The following NOL6 variants were observed in gnomAD, a reference collection of about 807,000 sequenced individuals.
The protein encoded by NOL6 is nucleolar protein 6, also known as nucleolar RNA-associated protein.
In NOL6, 33 loss-of-function variants were observed where a neutral mutation model predicts 131.7. The ratio of observed to expected loss-of-function variants is 0.25; its 90% confidence interval spans 0.19 to 0.33. The LOEUF (loss-of-function observed/expected upper bound fraction) is 0.33. Ranked by LOEUF, NOL6 falls within the 10% of genes least tolerant of loss-of-function variation. The pLI is 1.00. For synonymous variants in NOL6, 580 were observed against 605.7 expected, an observed-to-expected ratio of 0.96 and a Z score of 0.62; for missense variants, 1,297 against 1,494.5, an observed-to-expected ratio of 0.87 and a Z score of 2.18.
rs1450973604 is a variant in NOL6, at chr9:33,461,709, C to G, written c.*955G>C. ...CAGAGGAGGGAAAGATCACCTCAGG[C>G]TGGGGGCGAGGGATGGGCTTAAGGA... On this transcript the variant is annotated 3_prime_UTR_variant, in exon 26 of 26. Coordinates refer to ENST00000297990, the MANE Select transcript of NOL6 (RefSeq NM_022917.5). 6.2e-6 allele frequency: 1 copy of G among 161,650 alleles called. No homozygotes were observed. The highest frequency in any genetic ancestry group is 1.4e-5 in the Non-Finnish European group (1 of 73,508). 10.0% of individuals were successfully genotyped at this position (161,650 alleles called of 1,614,324 possible).
At chr9:33,465,606 GC>G in intron 19 of NOL6, 127 bp downstream of exon 19, 1 of 1,146,058 alleles carries the variant, frequency 8.7e-7, no homozygotes. Context: ...TCCAGAACCT[GC>G]CTGACTCCAG....
rs753343894 is a variant in NOL6, at chr9:33,467,275, G to A, written c.1726-13C>T. ...GGAATTTAGCAGCCTGAGGAGGCAA[G>A]GGTGGTAGTAGAGCTGGGGAAGGAA... is the stretch of plus-strand genomic sequence containing the variant. On this transcript the variant is annotated splice_polypyrimidine_tract_variant and intron_variant, in intron 13 of 25. Transcript: ENST00000297990. The surrounding 1 kb of genome is among the most constrained non-coding windows in gnomAD (Gnocchi z 4.4). 3 of 1,613,726 alleles carry A rather than the reference G, an allele frequency of 1.9e-6. No individual in the cohort carries two copies. Among genetic ancestry groups the A allele is most frequent in the Non-Finnish European group, 2.5e-6 (3 of 1,179,782 alleles).
chr9:33,468,630 C>A, intron 8 of NOL6, 64 bp from the exon 9 acceptor site: 1 of 1,607,252 alleles, frequency 6.2e-7, no homozygotes, highest in Non-Finnish European at 8.5e-7. Context: ...TAATGACACC[C>A]TCCCTCAGCC....
At position 33,467,721 on chromosome 9, in the gene NOL6, C is replaced by G. The variant is rs1827285820; in HGVS notation, c.1572G>C (p.Leu524=). 3 of 1,579,252 alleles carry G rather than the reference C, an allele frequency of 1.9e-6. No homozygotes were observed. The highest frequency in any genetic ancestry group is 3.7e-5 in the Admixed American group (2 of 54,010). ...GGACTGGGGGTCGAGAGTGAGCCAG[C>G]AGGTTCAGCCGAGCCCCCAGGCCCT... ...LEQGLGARLN[L]LAHSRPPVPE... Residue 524 remains leucine, a synonymous_variant, in exon 12 of 26, where the codon CTG becomes CTC. Coordinates refer to ENST00000297990, the MANE Select transcript of NOL6 (RefSeq NM_022917.5). The surrounding 1 kb of genome is among the most constrained non-coding windows in gnomAD (Gnocchi z 4.4).
chr9:33,468,143 T>G lies in NOL6; in HGVS notation c.1311A>C (p.Val437=), dbSNP rs1199484960. Residue 437 remains valine (V), a splice_region_variant and synonymous_variant, in exon 11 of 26, where the codon GTA becomes GTC. Coordinates refer to ENST00000297990, the MANE Select transcript of NOL6 (RefSeq NM_022917.5). ...ADVTASTYHQ[V]QHEARLSMML... The stretch of plus-strand genomic sequence containing the variant: ...TCATAGACAGCCGTGCCTCATGCTG[T>G]ACCTGGAGCCACAGAAGGGACCATC... 1.2e-6 allele frequency: 2 copies of G among 1,614,216 alleles called. No individual in the cohort carries two copies. The highest frequency in any genetic ancestry group is 3.3e-5 in the Admixed American group (2 of 60,030).
chr9:33,469,107 G>T lies in NOL6; in HGVS notation c.877C>A (p.Pro293Thr). The change falls in exon 7 of 26, where the codon CCT becomes ACT. Residue 293 changes from proline to threonine, a missense_variant. Transcript: ENST00000297990. ...ACCCATGTGTTATAGCGGGGGGTAG[G>T]AGGCTCTGGGCTACCTGTGGGATGA... ...SPAGDGSPEP[P>T]TPRYNTWVLQ... 1 of 1,614,182 alleles carries T rather than the reference G, an allele frequency of 6.2e-7. No homozygotes were observed. The highest frequency in any genetic ancestry group is 8.5e-7 in the Non-Finnish European group (1 of 1,180,044).
In NOL6 at chr9:33,462,272, G is replaced by T; in HGVS notation, c.*392C>A. 1 of 715,030 alleles carries T rather than the reference G, an allele frequency of 1.4e-6. No homozygotes were observed. The highest frequency in any genetic ancestry group is 1.5e-5 in the South Asian group (1 of 67,452). The allele number at this position is 715,030 out of a possible 1,614,324, so 44.3% of individuals were successfully genotyped here. A position where few individuals can be genotyped will look rare whatever the true frequency, so the allele number is the denominator to read the frequency against. On this transcript the variant is annotated 3_prime_UTR_variant, in exon 26 of 26. Coordinates refer to ENST00000297990, the MANE Select transcript of NOL6 (RefSeq NM_022917.5). ...AGTCTAGGCACAGGTCCTGGCAGCA[G>T]GAAGGAGACAGAGCCTCTCCCAGGC...
rs775236385 is a variant in NOL6 at position 33,464,939 on chromosome 9, C to T, written c.2719G>A (p.Val907Ile). The T allele has an allele frequency of 4.3e-6, 7 of 1,613,922 alleles. No individual in the cohort carries two copies. The highest frequency in any genetic ancestry group is 5.9e-6 in the Non-Finnish European group (7 of 1,179,976). The change falls in exon 21 of 26, where the codon GTA becomes ATA. Residue 907 changes from valine (V) to isoleucine (I), a missense_variant. Coordinates refer to ENST00000297990, the MANE Select transcript of NOL6 (RefSeq NM_022917.5). ...QVGFLRFLFL[V>I]STFDWKNNPL... ...TTGTTCTTCCAATCAAACGTTGATA[C>T]CAAGAAAAGGAATCGAAGGAAGCCA... is the stretch of plus-strand genomic sequence containing the variant.
chr9:33,465,163 C>A, intron 20 of NOL6, 44 bp downstream of exon 20: 1 of 1,560,428 alleles, frequency 6.4e-7, no homozygotes, highest in Admixed American at 1.9e-5. Context: ...TGATGGCTGG[C>A]CGCAAGGAAA....
rs2119024259 is a variant in NOL6, at chr9:33,468,777, G to A, written c.1122C>T (p.Val374=). 6.2e-7 allele frequency: 1 copy of A among 1,614,160 alleles called. No individual in the cohort carries two copies. Among genetic ancestry groups the A allele is most frequent in the Admixed American group, 1.7e-5 (1 of 60,030 alleles). The change falls in exon 8 of 26, where the codon GTC becomes GTT. Residue 374 remains valine (V), a synonymous_variant. Transcript: ENST00000297990. ...KIHTTMSGYQ[V]LRSVLQFLAT... is the part of the protein sequence containing the mutation. ...CCAGAAACTGCAAGACACTTCTCAG[G>A]ACCTGGTAGCCACTCATGGTGGTAT...
chr9:33,468,193 G>A (rs755374658), intron 10 of NOL6, 48 bp from the exon 11 acceptor site: 1 of 1,613,782 alleles, frequency 6.2e-7, no homozygotes, highest in East Asian at 2.2e-5. Context: ...TGATCCAAGG[G>A]CTTAGACCAG....
In NOL6 at chr9:33,468,713, G is replaced by C. The variant is rs750621916; in HGVS notation, c.1147+39C>G. 4 of 1,613,324 alleles carry C rather than the reference G, an allele frequency of 2.5e-6. No homozygotes were observed. The Admixed American group carries it at 5.0e-5, about 20-fold the overall frequency. On this transcript the variant is annotated intron_variant, in intron 8 of 25. Coordinates refer to ENST00000297990, the MANE Select transcript of NOL6 (RefSeq NM_022917.5). ...ACTGGGATGAGAGGATTCCCAGGAGGAGTGGAGCCCCTGGCCTTTCCCCAC... is the reference window on the plus strand; with the variant it reads ...ACTGGGATGAGAGGATTCCCAGGAGCAGTGGAGCCCCTGGCCTTTCCCCAC...
rs1276555281 is a variant in NOL6 at position 33,463,460 on chromosome 9, AGG to A, written c.2995-21_2995-20del. ...ACACTGTCTAAGGAAGGGGAGAAGG[AGG>A]GGTCAGCAGGACCCCCTTGACTGAG... On this transcript the variant is annotated intron_variant, in intron 23 of 25. Transcript: ENST00000297990. 1 of 1,573,754 alleles carries A rather than the reference AGG, an allele frequency of 6.4e-7. No individual in the cohort carries two copies. Among genetic ancestry groups the A allele is most frequent in the Non-Finnish European group, 8.7e-7 (1 of 1,151,110 alleles).
intron 1 of NOL6, chr9:33,472,727 G>A (rs1827447775): frequency 2.5e-6 from 1 of 407,084 alleles, no homozygotes; most frequent in East Asian, 5.4e-5. Context: ...AATCCCAGCA[G>A]TTTGGGAGGT....
In NOL6 at chr9:33,464,079, G is replaced by T; in HGVS notation, c.2862C>A (p.Asp954Glu). 1.9e-6 allele frequency: 3 copies of T among 1,613,784 alleles called. No homozygotes were observed. The highest frequency in any genetic ancestry group is 2.5e-6 in the Non-Finnish European group (3 of 1,179,844). ...LPVMVIVTPQDRKNSVWTQDG... is the reference protein window; with the variant it reads ...LPVMVIVTPQERKNSVWTQDG... ...CCTGTGTCCACACAGAGTTTTTGCG[G>T]TCTTGGGGGGTAACAATGACCATGA... The change falls in exon 22 of 26, where the codon GAC becomes GAA. Residue 954 changes from aspartate to glutamate, a missense_variant. By Grantham distance (45) the Asp-to-Glu change is conservative. Coordinates refer to ENST00000297990, the MANE Select transcript of NOL6 (RefSeq NM_022917.5).
chr9:33,465,162 G>C, intron 20 of NOL6, 45 bp downstream of exon 20: 1 of 1,559,934 alleles, frequency 6.4e-7, no homozygotes, highest in South Asian at 1.2e-5. Context: ...ATGATGGCTG[G>C]CCGCAAGGAA....
chr9:33,473,920 T>C lies in NOL6; in HGVS notation c.-78A>G, dbSNP rs146480337. On this transcript the variant is annotated 5_prime_UTR_variant, in exon 1 of 26. Transcript: ENST00000297990. ...TCATAGCTTCCCACGTGGGCGGAAATGCCTAACTCCAGGCCCAAGTCCAGC... is the reference window on the plus strand; with the variant it reads ...TCATAGCTTCCCACGTGGGCGGAAACGCCTAACTCCAGGCCCAAGTCCAGC... The C allele has an allele frequency of 2.0e-3, 3,142 of 1,543,772 alleles. 101 individuals are homozygous for C. The Admixed American group carries it at 0.052, about 25-fold the overall frequency.
rs1827351794 is a variant in NOL6, at chr9:33,469,587, G to A, written c.639C>T (p.His213=). ...TGCCAAAGAGGGGGTCCTGGGCCAG[G>A]TGGTGAGCCAAGTGGGCCAGGTAGA... The part of the protein sequence containing the change: ...RALYLAHLAH[H]LAQDPLFGSV... Residue 213 remains histidine (H), a synonymous_variant, in exon 5 of 26, where the codon CAC becomes CAT. Transcript: ENST00000297990. 1 of 1,610,926 alleles carries A rather than the reference G, an allele frequency of 6.2e-7. No homozygotes were observed. The highest frequency in any genetic ancestry group is 8.5e-7 in the Non-Finnish European group (1 of 1,179,178).
Position 33,468,493 on chromosome 9 carries a change from C to T in NOL6, c.1206+15G>A, listed in dbSNP as rs1400045038. Reference sequence around the variant, plus strand: ...GCAGGCCTCCTGGCATAGACCTGGCCCTTCCCCAACTCACCAAAGAGGGAT... The same window carrying T: ...GCAGGCCTCCTGGCATAGACCTGGCTCTTCCCCAACTCACCAAAGAGGGAT... On this transcript the variant is annotated intron_variant, in intron 9 of 25. Transcript: ENST00000297990. The T allele has an allele frequency of 6.2e-7, 1 of 1,614,088 alleles. No homozygotes were observed. The highest frequency in any genetic ancestry group is 2.2e-5 in the East Asian group (1 of 44,886).
Sources: allele counts gnomAD v4.1 joint callset, GRCh38; gene constraint gnomAD v4.1.1; non-coding constraint Gnocchi (gnomAD v3.1); transcripts MANE v1.5; gene names NCBI Gene and HGNC (gene_info 2026-07-23, HGNC 2026-07-21).